TLE1: variants seen among roughly 807,000 people sequenced by gnomAD.
The protein encoded by TLE1 is TLE family member 1, transcriptional corepressor, also known as transducin-like enhancer protein 1.
A neutral mutation model predicts 89.8 loss-of-function variants in TLE1; 21 were observed. The observed-to-expected ratio is 0.23, with a 90% confidence interval of 0.17 to 0.34. TLE1 has a LOEUF of 0.34. TLE1 is among the 10% of genes least tolerant of loss of function. TLE1 has a pLI of 1.00. For missense variants in TLE1, 795 were observed against 1,031.2 expected (o/e 0.77, Z 3.14); for synonymous variants, 447 against 407.6 (o/e 1.10, Z -1.16).
intron 1 of TLE1, among the ~76,000 whole-genome samples, chr9:81,687,690 G>A (rs1054795754): frequency 6.6e-6 from 1 of 152,072 alleles, no homozygotes; most frequent in Admixed American, 6.5e-5. Context: ...CGGGTCACCA[G>A]GCCAAAGGGA....
intron 6 of TLE1, among the ~76,000 whole-genome samples, chr9:81,641,621 C>G (rs976413212): frequency 1.3e-5 from 2 of 152,062 alleles, no homozygotes; most frequent in Non-Finnish European, 2.9e-5. Flanking sequence ...GGCAAAGGAC[C>G]TCCTGAACAG....
Position 81,584,539 on chromosome 9 carries a change from G to A in TLE1, c.2129-15C>T. On this transcript the variant is annotated splice_polypyrimidine_tract_variant and intron_variant, in intron 18 of 19. Transcript: ENST00000376499. ...AAACCATTTACCTAGAATTAGCAAA[G>A]GAATATCTAGTTTTCACAAGGTTAA... is the stretch of plus-strand genomic sequence containing the variant. 5 of 1,612,500 alleles carry A rather than the reference G, an allele frequency of 3.1e-6. No individual in the cohort carries two copies. The highest frequency in any genetic ancestry group is 2.5e-6 in the Non-Finnish European group (3 of 1,179,218).
chr9:81,606,976 C>A (rs1437756628), intron 14 of TLE1, among the ~76,000 whole-genome samples: 1 of 150,370 alleles, frequency 6.7e-6, no homozygotes, highest in East Asian at 2.0e-4. Context: ...GTAGTCCCAG[C>A]ACTTTGGGAG....
chr9:81,585,465 G>T, intron 18 of TLE1, 40 bp downstream of exon 18: 1 of 1,590,506 alleles, frequency 6.3e-7, no homozygotes, highest in Non-Finnish European at 8.6e-7. Context: ...TTTCCATTTG[G>T]GCCATCAACG....
chr9:81,685,812 A>G (rs1221730380), intron 3 of TLE1, 21 bp downstream of exon 3: 2 of 1,613,938 alleles, frequency 1.2e-6, no homozygotes, highest in South Asian at 1.1e-5. Flanking sequence ...AAAAGGAAAA[A>G]GTCCAATCTT....
At chr9:81,663,806 T>C (rs1831126753) in intron 4 of TLE1, among the ~76,000 whole-genome samples, 1 of 151,844 alleles carries the variant, frequency 6.6e-6, no homozygotes, top group South Asian at 2.1e-4. Context: ...TTTGTATTTT[T>C]AGTAGAGACG....
chr9:81,670,727 T>TAA lies in TLE1; in HGVS notation c.234+14947_234+14948dup, dbSNP rs57800121. Among the ~76,000 whole-genome samples the TAA allele has an allele frequency of 3.0e-3, 440 of 147,322 alleles. 4 individuals are homozygous for TAA. The highest frequency in any genetic ancestry group is 4.0e-3 in the East Asian group (20 of 5,032). On this transcript the variant is annotated intron_variant, in intron 4 of 19. Transcript: ENST00000376499. ...AGAAGCTAATCAGAAAAAAAAAAAT[T>TAA]AAAAAAAAAAAATCACAGCTTTTTT... is the stretch of plus-strand genomic sequence containing the variant.
At chr9:81,610,573 C>G (rs1447682670) in intron 13 of TLE1, among the ~76,000 whole-genome samples, 1 of 152,132 alleles carries the variant, frequency 6.6e-6, no homozygotes, top group African/African-American at 2.4e-5. Flanking sequence ...CTTAGACTTG[C>G]AAGCAAGTTC....
At chr9:81,652,891 G>C (rs986575073) in intron 5 of TLE1, among the ~76,000 whole-genome samples, 1 of 151,990 alleles carries the variant, frequency 6.6e-6, no homozygotes, top group Non-Finnish European at 1.5e-5. Flanking sequence ...AGTCATTTTC[G>C]GAAACTCCTG....
chr9:81,616,778 T>A, intron 9 of TLE1, 79 bp from the exon 10 acceptor site: 1 of 1,551,280 alleles, frequency 6.4e-7, no homozygotes, highest in Non-Finnish European at 8.9e-7. Flanking sequence ...TTTCTATAGT[T>A]CCTGGTAGCA....
At chr9:81,685,973 C>G (rs1179227926) in intron 2 of TLE1, 77 bp from the exon 3 acceptor site, 4 of 1,507,726 alleles carry the variant, frequency 2.7e-6, no homozygotes, top group Non-Finnish European at 3.7e-6. Flanking sequence ...ATTTGCACTT[C>G]AAGTAAAAAC....
Position 81,652,298 on chromosome 9 carries a change from C to T in TLE1, c.298-10G>A. Reference sequence around the variant, plus strand: ...CCACCTGTTGTTGATGCTTTGAAAACAAGGAGAAGAAAGGGCATTAGCAAC... The same window carrying T: ...CCACCTGTTGTTGATGCTTTGAAAATAAGGAGAAGAAAGGGCATTAGCAAC... On this transcript the variant is annotated splice_polypyrimidine_tract_variant and intron_variant, in intron 5 of 19. Transcript: ENST00000376499. 6.2e-7 allele frequency: 1 copy of T among 1,612,606 alleles called. No homozygotes were observed. Among genetic ancestry groups the T allele is most frequent in the African/African-American group, 1.3e-5 (1 of 74,950 alleles).
At chr9:81,616,850 G>A (rs1824584944) in intron 9 of TLE1, 151 bp from the exon 10 acceptor site, 1 of 786,400 alleles carries the variant, frequency 1.3e-6, no homozygotes, top group Non-Finnish European at 2.1e-6. Context: ...GCCAGTCCTA[G>A]TAATTATTAT....
intron 4 of TLE1, among the ~76,000 whole-genome samples, chr9:81,670,452 A>C (rs1832070468): frequency 6.6e-6 from 1 of 151,980 alleles, no homozygotes; most frequent in South Asian, 2.1e-4. Context: ...CAGCCTCCCT[A>C]GTAGCTGGGA....
chr9:81,652,136 C>CGT, intron 6 of TLE1, 78 bp downstream of exon 6: 3 of 1,399,416 alleles, frequency 2.1e-6, no homozygotes, highest in Non-Finnish European at 3.0e-6. Flanking sequence ...CACACACACA[C>CGT]ACGTAAAGCC....
chr9:81,658,077 A>AT (rs1322198518), intron 4 of TLE1, among the ~76,000 whole-genome samples: 2 of 151,136 alleles, frequency 1.3e-5, no homozygotes, highest in Non-Finnish European at 3.0e-5. Flanking sequence ...TGCCCGGCTA[A>AT]TTTTTTGTAT....
At chr9:81,615,788 C>A (rs1193548225) in intron 11 of TLE1, among the ~76,000 whole-genome samples, 194 bp downstream of exon 11, 1 of 151,376 alleles carries the variant, frequency 6.6e-6, no homozygotes, top group Admixed American at 6.6e-5. Context: ...TAATCATGGC[C>A]GAAAAGAGAT....
intron 4 of TLE1, among the ~76,000 whole-genome samples, chr9:81,654,584 G>A (rs377230786): frequency 2.6e-5 from 4 of 152,174 alleles, no homozygotes; most frequent in Admixed American, 6.5e-5. Context: ...CTCGTGATCC[G>A]CCCGCCTCGG....
intron 14 of TLE1, among the ~76,000 whole-genome samples, chr9:81,593,622 C>G (rs1829840489): frequency 6.6e-6 from 1 of 152,066 alleles, no homozygotes; most frequent in African/African-American, 2.4e-5. Context: ...TTCCATGTAT[C>G]TTGTGTAATT....
Sources: allele counts gnomAD v4.1 joint callset (sites outside exome capture counted in the v4.1 genomes callset), GRCh38; gene constraint gnomAD v4.1.1; transcripts MANE v1.5; gene names NCBI Gene and HGNC (gene_info 2026-07-23, HGNC 2026-07-21).